PDZRN3: variants seen among roughly 807,000 people sequenced by gnomAD.
PDZRN3 encodes the protein PDZ domain containing ring finger 3.
PDZRN3 carries 38 observed loss-of-function variants against 85.7 expected under a neutral mutation model. The ratio of observed to expected loss-of-function variants is 0.44; its 90% confidence interval spans 0.34 to 0.58. PDZRN3 has a LOEUF of 0.58. Ranked by LOEUF, PDZRN3 falls within the 20% of genes least tolerant of loss-of-function variation. The pLI, the probability that PDZRN3 is intolerant of heterozygous loss-of-function variation, is 0.01. For missense variants in PDZRN3, 1,629 were observed against 1,506.4 expected, an observed-to-expected ratio of 1.08 and a Z score of -1.35; for synonymous variants, 759 against 638.0, an observed-to-expected ratio of 1.19 and a Z score of -2.86.
At chr3:73,474,525 T>G in intron 3 of PDZRN3, 2 of 1,288,222 alleles carry the variant, frequency 1.6e-6, no homozygotes, top group Non-Finnish European at 2.0e-6. Flanking sequence ...CATCCTCTTG[T>G]GTTCCATCTT....
intron 3 of PDZRN3, among the ~76,000 whole-genome samples, chr3:73,559,193 G>A (rs866136675): frequency 1.3e-5 from 2 of 152,118 alleles, no homozygotes; most frequent in East Asian, 1.9e-4. Flanking sequence ...TATTATGCCC[G>A]GTTGACAATG....
At position 73,548,443 on chromosome 3, in the gene PDZRN3, G is replaced by A. The variant is rs1156457227; in HGVS notation, c.918+53911C>T. Among the ~76,000 whole-genome samples the A allele has an allele frequency of 2.6e-5, 4 of 152,328 alleles. No homozygotes were observed. The East Asian group carries it at 7.7e-4, about 29-fold the overall frequency. ...ACTCTGTATGCTGAAGCAAAGGAGG[G>A]ATCCTACTTTAGAGCACTCACTAAT... On this transcript the variant is annotated intron_variant, in intron 3 of 9. Transcript: ENST00000263666.
chr3:73,563,798 C>G lies in PDZRN3; in HGVS notation c.918+38556G>C, dbSNP rs6802500. ...ACAACATCCTATGAGGTATAATTAT[C>G]ATTCTAATTTTGCAAAAGAGGCAAC... On this transcript the variant is annotated intron_variant, in intron 3 of 9. Transcript: ENST00000263666. 6.6e-5 allele frequency among the ~76,000 whole-genome samples: 10 copies of G among 152,146 alleles called. No homozygotes were observed. The East Asian group carries it at 1.9e-3, about 30-fold the overall frequency.
In PDZRN3 at chr3:73,512,030, A is replaced by G. The variant is rs74347040; in HGVS notation, c.918+90324T>C. Among the ~76,000 whole-genome samples the G allele has an allele frequency of 6.3e-3, 963 of 152,340 alleles. 7 individuals carry two copies. The highest frequency in any genetic ancestry group is 0.022 in the African/African-American group (923 of 41,552). On this transcript the variant is annotated intron_variant, in intron 3 of 9. Transcript: ENST00000263666. ...GCAGAAGTTAACGCGCTCCTTTGGT[A>G]AGCAAGTTTGTTATTGTTGTTAATT...
chr3:73,389,172 A>G (rs1701465566), intron 7 of PDZRN3, among the ~76,000 whole-genome samples: 1 of 152,112 alleles, frequency 6.6e-6, no homozygotes, highest in African/African-American at 2.4e-5. Context: ...AGAGGTAGAA[A>G]GCTAAGCCTT....
intron 3 of PDZRN3, among the ~76,000 whole-genome samples, chr3:73,488,580 T>A (rs1703709109): frequency 6.6e-6 from 1 of 152,164 alleles, no homozygotes; most frequent in African/African-American, 2.4e-5. Context: ...TCTCTACAAG[T>A]CTCTCACCTT....
At chr3:73,562,513 T>C (rs949865907) in intron 3 of PDZRN3, among the ~76,000 whole-genome samples, 3 of 152,198 alleles carry the variant, frequency 2.0e-5, no homozygotes, top group African/African-American at 7.2e-5. Context: ...ATATCATTAC[T>C]AAGACGTCAC....
chr3:73,486,378 G>T (rs771232316), intron 3 of PDZRN3, among the ~76,000 whole-genome samples: 2 of 129,872 alleles, frequency 1.5e-5, no homozygotes. Flanking sequence ...TCATAGAATG[G>T]AGAAGAGCAT....
intron 3 of PDZRN3, among the ~76,000 whole-genome samples, chr3:73,530,162 G>C (rs1704620389): frequency 6.6e-6 from 1 of 152,178 alleles, no homozygotes; most frequent in Non-Finnish European, 1.5e-5. Context: ...CCTCACCACA[G>C]TGGTTCTGTT....
intron 3 of PDZRN3, among the ~76,000 whole-genome samples, chr3:73,463,630 A>G (rs998080256): frequency 6.6e-6 from 1 of 152,220 alleles, no homozygotes; most frequent in African/African-American, 2.4e-5. Flanking sequence ...GATTCCTCAA[A>G]TACCTAGAGA....
intron 3 of PDZRN3, among the ~76,000 whole-genome samples, chr3:73,470,829 G>C (rs982965932): frequency 6.6e-6 from 1 of 152,178 alleles, no homozygotes; most frequent in Non-Finnish European, 1.5e-5. Context: ...GAGATCCATT[G>C]TTAGTATGTG....
At chr3:73,397,459 C>T (rs1467255512) in intron 5 of PDZRN3, among the ~76,000 whole-genome samples, 1 of 152,208 alleles carries the variant, frequency 6.6e-6, no homozygotes, top group African/African-American at 2.4e-5. Flanking sequence ...TCTAAGAAAT[C>T]TCGTGTAGAA....
In PDZRN3 at chr3:73,624,385, C is replaced by G. The variant is rs1474674219; in HGVS notation, c.441G>C (p.Gly147=). Residue 147 remains glycine, a synonymous_variant, in exon 1 of 10, where the codon GGG becomes GGC. Transcript: ENST00000263666. The part of the protein sequence containing the change: ...RPVGRCQEGC[G]LPLTHGEQRA... ...GCTGCTCGCCGTGCGTCAAGGGTAG[C>G]CCGCAGCCCTCCTGGCAGCGGCCCA... is the stretch of plus-strand genomic sequence containing the variant. 32 of 1,310,916 alleles carry G rather than the reference C, an allele frequency of 2.4e-5. No individual in the cohort carries two copies. The East Asian group carries it at 8.4e-4, about 35-fold the overall frequency. The allele number at this position is 1,310,916 out of a possible 1,614,324, so 81.2% of individuals were successfully genotyped here. A position where few individuals can be genotyped will look rare whatever the true frequency, so the allele number is the denominator to read the frequency against.
chr3:73,530,205 C>T (rs1359085783), intron 3 of PDZRN3, among the ~76,000 whole-genome samples: 1 of 152,162 alleles, frequency 6.6e-6, no homozygotes, highest in Non-Finnish European at 1.5e-5. Flanking sequence ...GAAGTTAACG[C>T]TGGAATGCTG....
Position 73,406,444 on chromosome 3 carries a change from G to A in PDZRN3, c.919-2049C>T, listed in dbSNP as rs559970345. On this transcript the variant is annotated intron_variant, in intron 3 of 9. Transcript: ENST00000263666. ...TTGAGCCATATCTTTCATTAAATGT[G>A]TGACACCAAGAGTCACATAATACAG... is the stretch of plus-strand genomic sequence containing the variant. 7.9e-5 allele frequency among the ~76,000 whole-genome samples: 12 copies of A among 152,274 alleles called. No individual in the cohort carries two copies. In the South Asian group the frequency reaches 2.1e-3, roughly 26 times the overall value.
intron 3 of PDZRN3, among the ~76,000 whole-genome samples, chr3:73,575,383 T>C (rs796851837): frequency 1.6e-4 from 25 of 152,228 alleles, no homozygotes; most frequent in Middle Eastern, 3.4e-3. Context: ...CAAACTAACA[T>C]GTGCCACAAG....
intron 3 of PDZRN3, among the ~76,000 whole-genome samples, chr3:73,408,483 G>A (rs187941555): frequency 1.1e-4 from 17 of 152,126 alleles, no homozygotes; most frequent in Admixed American, 3.3e-4. Flanking sequence ...TTTGTATGCC[G>A]TAAGGCTTCT....
intron 3 of PDZRN3, among the ~76,000 whole-genome samples, chr3:73,440,610 C>A (rs1702616534): frequency 6.6e-6 from 1 of 152,228 alleles, no homozygotes; most frequent in African/African-American, 2.4e-5. Context: ...ATTTCCCCAA[C>A]TAGATTGGAA....
intron 3 of PDZRN3, among the ~76,000 whole-genome samples, chr3:73,563,013 A>ATATATATATATT (rs1187151191): frequency 4.6e-4 from 20 of 43,746 alleles, no homozygotes; most frequent in Non-Finnish European, 5.9e-4. Context: ...ATATATATAT[A>ATATATATATATT]TTTTTTTTTT....
Sources: allele counts gnomAD v4.1 joint callset (sites outside exome capture counted in the v4.1 genomes callset), GRCh38; gene constraint gnomAD v4.1.1; transcripts MANE v1.5; gene names NCBI Gene and HGNC (gene_info 2026-07-23, HGNC 2026-07-21).